Variants in TSG101 observed in about 807,000 individuals in gnomAD.
TSG101 encodes the protein tumor susceptibility gene 101 protein.
In TSG101, 19 loss-of-function variants were observed where a neutral mutation model predicts 48.5. The observed-to-expected ratio is 0.39, with a 90% CI of 0.27 to 0.58. The LOEUF is 0.58. Among genes scored for constraint, TSG101 ranks in the 20% least tolerant of loss-of-function variants. The pLI is 0.55. For synonymous variants in TSG101, 174 were observed against 169.4 expected, an observed-to-expected ratio of 1.03 and a Z score of -0.21; for missense variants, 365 against 484.4, an observed-to-expected ratio of 0.75 and a Z score of 2.31.
At chr11:18,489,521 A>C (rs1849668916) in intron 7 of TSG101, among the ~76,000 whole-genome samples, 1 of 152,234 alleles carries the variant, frequency 6.6e-6, no homozygotes, top group Non-Finnish European at 1.5e-5. Context: ...CACAAGTTGC[A>C]AATTGGTAAC....
chr11:18,512,888 T>A (rs1426107190), intron 4 of TSG101, among the ~76,000 whole-genome samples: 1 of 151,866 alleles, frequency 6.6e-6, no homozygotes, highest in Non-Finnish European at 1.5e-5. Flanking sequence ...CCATCATGCC[T>A]GGCTAATTTT....
intron 7 of TSG101, among the ~76,000 whole-genome samples, chr11:18,501,191 T>C (rs1849881227): frequency 6.6e-6 from 1 of 152,228 alleles, no homozygotes; most frequent in South Asian, 2.1e-4. Context: ...AATGGTTGCC[T>C]AGGCCAATGT....
chr11:18,481,391 T>C, intron 9 of TSG101: 3 of 1,300,276 alleles, frequency 2.3e-6, no homozygotes, highest in Non-Finnish European at 2.9e-6. Context: ...CTCATCTTAA[T>C]GCTGCCTGTG....
chr11:18,488,395 T>C (rs1849650998), intron 7 of TSG101, among the ~76,000 whole-genome samples: 1 of 152,150 alleles, frequency 6.6e-6, no homozygotes, highest in Non-Finnish European at 1.5e-5. Flanking sequence ...ATCAATTCTC[T>C]CCACTGCAGT....
Position 18,480,605 on chromosome 11 carries a change from G to A in TSG101, c.1114C>T (p.Gln372Ter). Residue 372 changes from glutamine to a stop codon, truncating the protein, a stop_gained, in exon 10 of 10, where the codon CAG becomes TAG. Transcript: ENST00000251968. LOFTEE classifies it high-confidence loss of function. ...HVRLLSRKQFQLRALMQKARK... is the reference protein window; with the variant it reads ...HVRLLSRKQF The stretch of plus-strand genomic sequence containing the variant: ...GCTTTTTGCATTAGTGCCCTCAGCT[G>A]GAACTGTTTACGGGACAGAAGACGT... 1 of 1,613,948 alleles carries A rather than the reference G, an allele frequency of 6.2e-7. No individual in the cohort carries two copies. The highest frequency in any genetic ancestry group is 8.5e-7 in the Non-Finnish European group (1 of 1,179,940).
chr11:18,490,392 G>T, intron 7 of TSG101: 1 of 596,550 alleles, frequency 1.7e-6, no homozygotes, highest in Non-Finnish European at 3.2e-6. Context: ...TACTGTTTTT[G>T]CCAGGCTGCA....
Position 18,509,682 on chromosome 11 carries a change from A to T in TSG101, c.358-17T>A, listed in dbSNP as rs1301421707. 6.3e-7 allele frequency: 1 copy of T among 1,577,166 alleles called. No homozygotes were observed. The highest frequency in any genetic ancestry group is 1.2e-5 in the South Asian group (1 of 84,842). ...TGACTGTGGCTACAAAATGAAAAAA[A>T]ATTCAAGTCAGCTACAGAGTTGCTT... On this transcript the variant is annotated splice_polypyrimidine_tract_variant and intron_variant, in intron 4 of 9. Transcript: ENST00000251968.
chr11:18,512,748 C>A (rs914411826), intron 4 of TSG101, among the ~76,000 whole-genome samples: 11 of 87,938 alleles, frequency 1.3e-4, no homozygotes, highest in Non-Finnish European at 2.1e-4. Context: ...TTTTTTGAGA[C>A]AGTCTCTCTC....
At chr11:18,485,764 A>G (rs547284243) in intron 7 of TSG101, among the ~76,000 whole-genome samples, 11 of 152,246 alleles carry the variant, frequency 7.2e-5, no homozygotes, top group Non-Finnish European at 1.5e-4. Flanking sequence ...CTGAAAAGTC[A>G]TTAATAGAGT....
At chr11:18,503,449 T>G (rs1043753552) in intron 6 of TSG101, among the ~76,000 whole-genome samples, 9 of 149,280 alleles carry the variant, frequency 6.0e-5, no homozygotes, top group African/African-American at 2.2e-4. Context: ...CTCAGCTCAC[T>G]GCAAGCTCCA....
chr11:18,492,846 A>G (rs1849719246), intron 7 of TSG101, among the ~76,000 whole-genome samples: 1 of 152,196 alleles, frequency 6.6e-6, no homozygotes, highest in Non-Finnish European at 1.5e-5. Flanking sequence ...CAAAGAAGTA[A>G]AAGAAAAACT....
chr11:18,503,181 A>G (rs1849915681), intron 6 of TSG101, among the ~76,000 whole-genome samples: 1 of 152,154 alleles, frequency 6.6e-6, no homozygotes, highest in African/African-American at 2.4e-5. Context: ...ATCTACACAC[A>G]TCATTTATAA....
intron 7 of TSG101, among the ~76,000 whole-genome samples, chr11:18,486,442 A>G (rs1348617383): frequency 1.3e-5 from 2 of 152,252 alleles, no homozygotes; most frequent in African/African-American, 4.8e-5. Flanking sequence ...ACCAGCCACC[A>G]TAATTCAGGG....
At chr11:18,507,129 C>G (rs1482085785) in intron 5 of TSG101, among the ~76,000 whole-genome samples, 5 of 152,190 alleles carry the variant, frequency 3.3e-5, no homozygotes, top group Non-Finnish European at 7.3e-5. Context: ...ATGACAATCC[C>G]TACCAAAAGA....
At chr11:18,495,661 G>A (rs1849763553) in intron 7 of TSG101, among the ~76,000 whole-genome samples, 1 of 137,052 alleles carries the variant, frequency 7.3e-6, no homozygotes, top group South Asian at 2.6e-4. Flanking sequence ...CATACTACCA[G>A]TTAGGTTTTT....
Position 18,519,541 on chromosome 11 carries a change from G to C in TSG101, c.105C>G (p.Leu35=). 1 of 1,612,574 alleles carries C rather than the reference G, an allele frequency of 6.2e-7. No individual in the cohort carries two copies. The highest frequency in any genetic ancestry group is 8.5e-7 in the Non-Finnish European group (1 of 1,179,404). ...CACCATATGAATCCAAAACAGGTTT[G>C]AGATCTTTGTATAGAGTAATAACAT... is the stretch of plus-strand genomic sequence containing the variant. The part of the protein sequence containing the change: ...TVNVITLYKD[L]KPVLDSYVFN... The change falls in exon 2 of 10, where the codon CTC becomes CTG. Residue 35 remains leucine, a synonymous_variant. Coordinates refer to ENST00000251968, the MANE Select transcript of TSG101 (RefSeq NM_006292.4).
chr11:18,495,507 A>G (rs982260790), intron 7 of TSG101, among the ~76,000 whole-genome samples: 7 of 152,084 alleles, frequency 4.6e-5, no homozygotes, highest in Non-Finnish European at 8.8e-5. Context: ...TGGTAGAGAA[A>G]CTTCATGGTG....
chr11:18,506,909 C>T lies in TSG101; in HGVS notation c.496G>A (p.Gly166Ser). The change falls in exon 6 of 10, where the codon GGC (glycine) becomes AGC (serine). Residue 166 changes from glycine (G) to serine (S), a missense_variant. Gly to Ser is a moderately conservative substitution (Grantham distance 56). Transcript: ENST00000251968. ...TGPPNTSYMP[G>S]MPGGISPYPS... is the part of the protein sequence containing the mutation. ...TATGGAGAGATTCCACCTGGCATGC[C>T]TGGCATGTAGGAAGCTAAAAACAAT... The T allele has an allele frequency of 6.2e-7, 1 of 1,606,942 alleles. No individual in the cohort carries two copies. Among genetic ancestry groups the T allele is most frequent in the Non-Finnish European group, 8.5e-7 (1 of 1,175,692 alleles).
chr11:18,488,336 T>C (rs1565082835), intron 7 of TSG101, among the ~76,000 whole-genome samples: 1 of 152,162 alleles, frequency 6.6e-6, no homozygotes, highest in African/African-American at 2.4e-5. Context: ...TACAGCTAGA[T>C]GGAATGTTAA....
Sources: allele counts gnomAD v4.1 joint callset (sites outside exome capture counted in the v4.1 genomes callset), GRCh38; gene constraint gnomAD v4.1.1; transcripts MANE v1.5; gene names NCBI Gene and HGNC (gene_info 2026-07-23, HGNC 2026-07-21).